Variants in ANKS1B observed in about 807,000 individuals in gnomAD.
The protein encoded by ANKS1B is ankyrin repeat and sterile alpha motif domain containing 1B, also known as ankyrin repeat and sterile alpha motif domain-containing protein 1B.
In ANKS1B, 36 loss-of-function variants were observed where a neutral mutation model predicts 148.3. The ratio of observed to expected loss-of-function variants is 0.24; its 90% CI spans 0.19 to 0.32. ANKS1B has a LOEUF of 0.32. Among genes scored for constraint, ANKS1B ranks in the 10% least tolerant of loss-of-function variants. ANKS1B has a pLI of 1.00. For missense variants in ANKS1B, 1,157 were observed against 1,542.6 expected (o/e 0.75, Z 4.19); for synonymous variants, 542 against 560.8 (o/e 0.97, Z 0.47).
At chr12:98,791,402 C>T (rs530870130) in intron 22 of ANKS1B, among the ~76,000 whole-genome samples, 7 of 151,964 alleles carry the variant, frequency 4.6e-5, no homozygotes, top group Non-Finnish European at 7.4e-5. Context: ...TAAGGAGTTA[C>T]CTATGTGGCT....
At chr12:99,672,180 C>A (rs532068618) in intron 8 of ANKS1B, among the ~76,000 whole-genome samples, 8 of 152,166 alleles carry the variant, frequency 5.3e-5, no homozygotes, top group Middle Eastern at 3.4e-3. Context: ...AGGCATTAAA[C>A]CCATGCTGGA....
intron 1 of ANKS1B, among the ~76,000 whole-genome samples, chr12:99,978,201 T>C (rs563929975): frequency 5.3e-5 from 8 of 152,366 alleles, no homozygotes; most frequent in East Asian, 1.9e-4. Context: ...TCTGCCTTAA[T>C]GTCAGTGAAG....
intron 17 of ANKS1B, among the ~76,000 whole-genome samples, chr12:98,894,083 G>A (rs142212471): frequency 6.6e-6 from 1 of 152,278 alleles, no homozygotes; most frequent in Non-Finnish European, 1.5e-5. Flanking sequence ...CTTAACATTG[G>A]AAAGTCCATG....
At chr12:98,813,451 A>G (rs1386963466) in intron 19 of ANKS1B, among the ~76,000 whole-genome samples, 1 of 151,674 alleles carries the variant, frequency 6.6e-6, no homozygotes, top group Non-Finnish European at 1.5e-5. Flanking sequence ...TCCTGGGCTC[A>G]AGCGATCTGC....
rs77471012 is a variant in ANKS1B, at chr12:99,167,148, C to T, written c.2420-12753G>A. 7.2e-4 allele frequency among the ~76,000 whole-genome samples: 109 copies of T among 152,006 alleles called. 1 individual carries two copies. The East Asian group carries it at 0.017, about 24-fold the overall frequency. The stretch of plus-strand genomic sequence containing the variant: ...GGCCTACCCATACAATCTAAAACTA[C>T]AAAATTTCTAGAAGAAAACTTAGAA... On this transcript the variant is annotated intron_variant, in intron 14 of 26. Coordinates refer to ENST00000683438, the MANE Select transcript of ANKS1B (RefSeq NM_001352186.2).
chr12:99,024,043 T>A (rs1230995591), intron 17 of ANKS1B, among the ~76,000 whole-genome samples: 1 of 151,710 alleles, frequency 6.6e-6, no homozygotes, highest in Non-Finnish European at 1.5e-5. Flanking sequence ...ATTGAGGTAA[T>A]CATGTTGCTC....
At chr12:99,304,534 T>C (rs978724972) in intron 12 of ANKS1B, among the ~76,000 whole-genome samples, 1 of 152,148 alleles carries the variant, frequency 6.6e-6, no homozygotes, top group Non-Finnish European at 1.5e-5. Flanking sequence ...GTGAAACTCA[T>C]TTATTTGTGA....
chr12:98,831,904 C>A (rs763666928), intron 18 of ANKS1B, 125 bp downstream of exon 18: 10 of 848,370 alleles, frequency 1.2e-5, no homozygotes, highest in Non-Finnish European at 1.9e-5. Context: ...CAGGCACAAC[C>A]ACACCTGGCT....
intron 9 of ANKS1B, among the ~76,000 whole-genome samples, chr12:99,536,666 T>G (rs1324198927): frequency 6.6e-6 from 1 of 152,186 alleles, no homozygotes; most frequent in African/African-American, 2.4e-5. Flanking sequence ...ATTTATAGGG[T>G]ACATGGGATG....
chr12:99,704,001 T>G (rs543242996), intron 8 of ANKS1B, among the ~76,000 whole-genome samples: 2 of 152,262 alleles, frequency 1.3e-5, no homozygotes, highest in East Asian at 3.9e-4. Context: ...TCAAGAATAA[T>G]GTGATTACTA....
Position 99,728,052 on chromosome 12 carries a change from C to T in ANKS1B, c.1128+44870G>A, listed in dbSNP as rs188150156. ...ACCCTAGACGAAAACTTAGGCAATA[C>T]CATTCAGGACATAGGCATGGGCAAA... On this transcript the variant is annotated intron_variant, in intron 8 of 26. Coordinates refer to ENST00000683438, the MANE Select transcript of ANKS1B (RefSeq NM_001352186.2). 8.1e-3 allele frequency among the ~76,000 whole-genome samples: 1,234 copies of T among 152,186 alleles called. 16 individuals are homozygous for T. Among genetic ancestry groups the T allele is most frequent in the Non-Finnish European group, 0.013 (910 of 67,998 alleles).
intron 8 of ANKS1B, among the ~76,000 whole-genome samples, chr12:99,693,768 A>G (rs995071759): frequency 3.3e-5 from 5 of 150,996 alleles, no homozygotes; most frequent in African/African-American, 7.3e-5. Context: ...TCTTTCAACA[A>G]ATATTTTTTG....
chr12:99,185,479 G>A (rs2079700646), intron 14 of ANKS1B, among the ~76,000 whole-genome samples: 1 of 152,134 alleles, frequency 6.6e-6, no homozygotes, highest in African/African-American at 2.4e-5. Flanking sequence ...GAATAGCTCT[G>A]GTCTGCAGCT....
At chr12:99,593,313 A>G (rs550158075) in intron 9 of ANKS1B, among the ~76,000 whole-genome samples, 5 of 152,184 alleles carry the variant, frequency 3.3e-5, no homozygotes, top group Non-Finnish European at 7.4e-5. Context: ...ATCAAAGAAA[A>G]CATTAATTTT....
chr12:99,245,203 G>C (rs533286099), intron 13 of ANKS1B, among the ~76,000 whole-genome samples: 30 of 152,194 alleles, frequency 2.0e-4, no homozygotes, highest in African/African-American at 6.7e-4. Context: ...GCTGATTACT[G>C]ACATCCAATC....
Position 99,711,589 on chromosome 12 carries a change from T to C in ANKS1B, c.1129-56379A>G, listed in dbSNP as rs1403195000. On this transcript the variant is annotated intron_variant, in intron 8 of 26. Coordinates refer to ENST00000683438, the MANE Select transcript of ANKS1B (RefSeq NM_001352186.2). ...GATATACCTGTGGCCAACAAGCATA[T>C]GAAAAAAAGCTCAATATCAATGATC... 3.3e-5 allele frequency among the ~76,000 whole-genome samples: 5 copies of C among 152,002 alleles called. No homozygotes were observed. The South Asian group carries it at 6.2e-4, about 19-fold the overall frequency.
chr12:99,466,313 C>G (rs1244218773), intron 10 of ANKS1B, among the ~76,000 whole-genome samples: 3 of 152,152 alleles, frequency 2.0e-5, no homozygotes, highest in Non-Finnish European at 2.9e-5. Flanking sequence ...ATTTATAGCA[C>G]TAAATGCTCA....
At chr12:99,351,625 T>C (rs987268597) in intron 12 of ANKS1B, among the ~76,000 whole-genome samples, 1 of 152,072 alleles carries the variant, frequency 6.6e-6, no homozygotes, top group Non-Finnish European at 1.5e-5. Flanking sequence ...CAGTTTTCCT[T>C]GTTGTCATGA....
intron 14 of ANKS1B, among the ~76,000 whole-genome samples, chr12:99,204,024 G>A (rs1254533418): frequency 6.6e-6 from 1 of 152,112 alleles, no homozygotes; most frequent in Non-Finnish European, 1.5e-5. Context: ...GCATATATTA[G>A]TGGCTTAATA....
Sources: allele counts gnomAD v4.1 joint callset (sites outside exome capture counted in the v4.1 genomes callset), GRCh38; gene constraint gnomAD v4.1.1; transcripts MANE v1.5; gene names NCBI Gene and HGNC (gene_info 2026-07-23, HGNC 2026-07-21).